The following GRIN2A variants were observed in gnomAD, a reference collection of about 807,000 sequenced individuals.
GRIN2A encodes the protein glutamate ionotropic receptor NMDA type subunit 2A, also known as glutamate receptor ionotropic, NMDA 2A.
Under a neutral mutation model 113.4 loss-of-function variants are expected in GRIN2A, and 22 were observed. That is an observed-to-expected ratio of 0.19 (90% CI 0.14 to 0.28). The LOEUF (loss-of-function observed/expected upper bound fraction) is 0.28, where lower values mean the gene tolerates loss of function less well. Ranked by LOEUF, GRIN2A falls within the 10% of genes least tolerant of loss-of-function variation. GRIN2A has a pLI of 1.00. For missense variants in GRIN2A, 1,502 were observed against 1,887.0 expected (o/e 0.80, Z 3.78); for synonymous variants, 827 against 738.4 (o/e 1.12, Z -1.94).
At chr16:9,765,290 C>T (rs1432331374) in intron 12 of GRIN2A, among the ~76,000 whole-genome samples, 1 of 152,166 alleles carries the variant, frequency 6.6e-6, no homozygotes, top group African/African-American at 2.4e-5. Context: ...CTCCCAGCAC[C>T]CGGGTCACCA....
intron 10 of GRIN2A, among the ~76,000 whole-genome samples, chr16:9,799,765 A>G (rs2141235528): frequency 6.6e-6 from 1 of 152,304 alleles, no homozygotes; most frequent in East Asian, 1.9e-4. Context: ...AGCACTTTTA[A>G]ATTCTTTTTT....
chr16:10,142,081 T>G (rs1384428997), intron 2 of GRIN2A, among the ~76,000 whole-genome samples: 2 of 152,214 alleles, frequency 1.3e-5, no homozygotes, highest in Non-Finnish European at 2.9e-5. Flanking sequence ...CCAGGCTACC[T>G]GTTCTGAGTT....
chr16:9,787,348 C>A (rs975833548), intron 11 of GRIN2A, among the ~76,000 whole-genome samples: 1 of 152,214 alleles, frequency 6.6e-6, no homozygotes, highest in Admixed American at 6.5e-5. Flanking sequence ...ACTCTTTCAA[C>A]CAATTGCAAA....
chr16:9,990,224 C>G (rs1385800977), intron 2 of GRIN2A, among the ~76,000 whole-genome samples: 1 of 152,100 alleles, frequency 6.6e-6, no homozygotes, highest in Non-Finnish European at 1.5e-5. Flanking sequence ...AAATCATGTC[C>G]TTTCCAGCAG....
chr16:10,173,629 G>C (rs1463753804), intron 2 of GRIN2A, among the ~76,000 whole-genome samples: 1 of 152,198 alleles, frequency 6.6e-6, no homozygotes, highest in Non-Finnish European at 1.5e-5. Context: ...CATTTACCGT[G>C]TAACAAACGC....
chr16:9,859,335 C>G (rs938576653), intron 4 of GRIN2A, among the ~76,000 whole-genome samples: 2 of 152,128 alleles, frequency 1.3e-5, no homozygotes, highest in Non-Finnish European at 2.9e-5. Context: ...TAAAATAGCA[C>G]TAAAAACCGT....
At chr16:9,856,772 G>T (rs750009983) in intron 4 of GRIN2A, among the ~76,000 whole-genome samples, 53 of 152,016 alleles carry the variant, frequency 3.5e-4, no homozygotes, top group Admixed American at 8.5e-4. Context: ...CATAGATGAG[G>T]AAACTGAGGC....
chr16:10,069,245 G>A (rs1461528210), intron 2 of GRIN2A, among the ~76,000 whole-genome samples: 1 of 152,194 alleles, frequency 6.6e-6, no homozygotes, highest in African/African-American at 2.4e-5. Flanking sequence ...CACTGGAGAT[G>A]AGGAAGGATC....
At chr16:10,158,252 G>A (rs547934570) in intron 2 of GRIN2A, among the ~76,000 whole-genome samples, 7 of 152,212 alleles carry the variant, frequency 4.6e-5, no homozygotes, top group Admixed American at 1.3e-4. Flanking sequence ...AGATCCACCC[G>A]TCTCAGCCTC....
At chr16:10,030,744 C>T (rs564396454) in intron 2 of GRIN2A, among the ~76,000 whole-genome samples, 71 of 152,270 alleles carry the variant, frequency 4.7e-4, no homozygotes, top group African/African-American at 1.7e-3. Flanking sequence ...GGAGTCATTA[C>T]ATAGAAACTT....
intron 2 of GRIN2A, among the ~76,000 whole-genome samples, chr16:10,158,319 G>A (rs534001698): frequency 1.3e-5 from 2 of 152,278 alleles, no homozygotes; most frequent in African/African-American, 4.8e-5. Context: ...TTTATTTTAA[G>A]ATGTAAAGAA....
chr16:9,778,613 C>T (rs1230959559), intron 11 of GRIN2A, among the ~76,000 whole-genome samples: 1 of 152,232 alleles, frequency 6.6e-6, no homozygotes, highest in Admixed American at 6.5e-5. Context: ...AGTACTACAG[C>T]AGCTAACAAC....
At chr16:9,892,543 C>T (rs771816316) in intron 3 of GRIN2A, among the ~76,000 whole-genome samples, 1 of 152,130 alleles carries the variant, frequency 6.6e-6, no homozygotes, top group Non-Finnish European at 1.5e-5. Flanking sequence ...GAGGCATCAA[C>T]GATGACTCCT....
intron 4 of GRIN2A, among the ~76,000 whole-genome samples, chr16:9,852,584 G>A (rs1418933618): frequency 6.6e-6 from 1 of 152,200 alleles, no homozygotes; most frequent in East Asian, 1.9e-4. Context: ...AGCCAAGGAG[G>A]TTGAAGATGA....
At chr16:9,772,356 C>A (rs1032773865) in intron 11 of GRIN2A, among the ~76,000 whole-genome samples, 1 of 152,162 alleles carries the variant, frequency 6.6e-6, no homozygotes, top group Admixed American at 6.5e-5. Context: ...TGACGTCCCC[C>A]CTCCCTTTGG....
At chr16:9,989,632 A>G (rs2046061208) in intron 2 of GRIN2A, among the ~76,000 whole-genome samples, 1 of 152,150 alleles carries the variant, frequency 6.6e-6, no homozygotes, top group Non-Finnish European at 1.5e-5. Flanking sequence ...ATATTTGCAA[A>G]CTAGGTATCC....
intron 2 of GRIN2A, among the ~76,000 whole-genome samples, chr16:10,162,412 TCA>T (rs2049824635): frequency 6.6e-6 from 1 of 152,350 alleles, no homozygotes; most frequent in African/African-American, 2.4e-5. Flanking sequence ...TAACAAAGGA[TCA>T]CAGTCTTTAT....
In GRIN2A at chr16:9,762,202, TTAC is replaced by T. The variant is rs1350411486; in HGVS notation, c.*944_*946del. On this transcript the variant is annotated 3_prime_UTR_variant, in exon 13 of 13. Transcript: ENST00000330684. ...TGTTTGGAAACGGAACGAGTTATGG[TTAC>T]TCTGGGAGGGAAGGGGTAACAGATA... The T allele has an allele frequency of 4.5e-6, 1 of 221,382 alleles. No homozygotes were observed. The highest frequency in any genetic ancestry group is 2.2e-5 in the African/African-American group (1 of 44,680). 13.7% of individuals were successfully genotyped at this position (221,382 alleles called of 1,614,324 possible). A position where few individuals can be genotyped will look rare whatever the true frequency, so the allele number is the denominator to read the frequency against.
At chr16:9,849,284 G>C (rs959503602) in intron 5 of GRIN2A, among the ~76,000 whole-genome samples, 1 of 146,852 alleles carries the variant, frequency 6.8e-6, no homozygotes, top group African/African-American at 2.5e-5. Flanking sequence ...ATACAAAAAT[G>C]TTTTCTATAT....
Sources: allele counts gnomAD v4.1 joint callset (sites outside exome capture counted in the v4.1 genomes callset), GRCh38; gene constraint gnomAD v4.1.1; transcripts MANE v1.5; gene names NCBI Gene and HGNC (gene_info 2026-07-23, HGNC 2026-07-21).